The following KIAA1217 variants were observed in gnomAD, a reference collection of about 807,000 sequenced individuals.
The protein encoded by KIAA1217 is KIAA1217.
Under a neutral mutation model 163.9 loss-of-function variants are expected in KIAA1217, and 88 were observed. The observed-to-expected ratio is 0.54, with a 90% CI of 0.45 to 0.64. The LOEUF (loss-of-function observed/expected upper bound fraction) is 0.64, where lower values mean the gene tolerates loss of function less well. Ranked by LOEUF, KIAA1217 falls within the 30% of genes least tolerant of loss-of-function variation. The pLI is 0.00. For synonymous variants in KIAA1217, 903 were observed against 923.1 expected (o/e 0.98, Z 0.39); for missense variants, 2,372 against 2,475.0 (o/e 0.96, Z 0.88).
At chr10:24,531,334 T>C (rs1004753144) in intron 14 of KIAA1217, among the ~76,000 whole-genome samples, 2 of 152,216 alleles carry the variant, frequency 1.3e-5, no homozygotes, top group African/African-American at 2.4e-5. Flanking sequence ...TACTCTGACA[T>C]TGACCTTCAG....
intron 1 of KIAA1217, among the ~76,000 whole-genome samples, chr10:23,927,391 C>G (rs1206217058): frequency 6.7e-6 from 1 of 150,230 alleles, no homozygotes; most frequent in Non-Finnish European, 1.5e-5. Flanking sequence ...TGAGGTTCTC[C>G]TCTTGCATTA....
rs779495492 is a variant in KIAA1217, at chr10:24,524,565, C to G, written c.2699C>G (p.Ser900Cys). Residue 900 changes from serine (S) to cysteine (C), a missense_variant, in exon 13 of 21, where the codon TCC (serine) becomes TGC (cysteine). Transcript: ENST00000376454. Reference protein sequence around the residue: ...SPVVIQPSQHSVALLNPAQNL... With the variant: ...SPVVIQPSQHCVALLNPAQNL... ...GTGGTCATCCAGCCCTCCCAGCACT[C>G]CGTGGCCCTGCTGAACCCTGCTCAG... 6.2e-7 allele frequency: 1 copy of G among 1,614,104 alleles called. No individual in the cohort carries two copies.
At chr10:24,267,012 A>G (rs924125475) in intron 2 of KIAA1217, among the ~76,000 whole-genome samples, 7 of 152,174 alleles carry the variant, frequency 4.6e-5, no homozygotes, top group Non-Finnish European at 1.0e-4. Flanking sequence ...ACACAGTGCC[A>G]CCTACCCACA....
At chr10:23,852,814 T>C (rs1839423557) in intron 1 of KIAA1217, among the ~76,000 whole-genome samples, 2 of 151,684 alleles carry the variant, frequency 1.3e-5, no homozygotes, top group South Asian at 4.1e-4. Context: ...TGGCTCTCTG[T>C]TTGTCTGTTG....
At chr10:24,351,537 G>A (rs891003851) in intron 2 of KIAA1217, among the ~76,000 whole-genome samples, 1 of 152,190 alleles carries the variant, frequency 6.6e-6, no homozygotes, top group East Asian at 1.9e-4. Flanking sequence ...TGTGGAAGGA[G>A]AGCTGGAGAG....
At chr10:24,087,769 C>T (rs2061750141) in intron 2 of KIAA1217, among the ~76,000 whole-genome samples, 1 of 152,228 alleles carries the variant, frequency 6.6e-6, no homozygotes, top group South Asian at 2.1e-4. Flanking sequence ...TGGTAGTCTT[C>T]TTGCTCACAG....
chr10:23,787,798 C>T (rs1564419060), intron 1 of KIAA1217, among the ~76,000 whole-genome samples: 1 of 152,100 alleles, frequency 6.6e-6, no homozygotes, highest in Non-Finnish European at 1.5e-5. Flanking sequence ...TAACCCACTG[C>T]AATTCCTTTT....
intron 1 of KIAA1217, among the ~76,000 whole-genome samples, chr10:23,954,248 C>A (rs1017738798): frequency 6.6e-6 from 1 of 151,986 alleles, no homozygotes; most frequent in African/African-American, 2.4e-5. Context: ...TGAGTCCTGG[C>A]CATTGATGCT....
intron 1 of KIAA1217, among the ~76,000 whole-genome samples, chr10:23,855,644 T>A (rs1269675623): frequency 6.6e-6 from 1 of 152,240 alleles, no homozygotes. Flanking sequence ...CACTTTCAGG[T>A]ACACCAATCA....
intron 2 of KIAA1217, among the ~76,000 whole-genome samples, chr10:24,048,873 A>T (rs1849264510): frequency 6.6e-6 from 1 of 151,882 alleles, no homozygotes; most frequent in Non-Finnish European, 1.5e-5. Context: ...TCTACTAAAA[A>T]TACAAAAATT....
intron 3 of KIAA1217, among the ~76,000 whole-genome samples, chr10:24,395,503 C>T (rs573960913): frequency 3.5e-4 from 53 of 152,150 alleles, no homozygotes; most frequent in African/African-American, 1.3e-3. Context: ...ATGGTGTGGA[C>T]GAGGCAAAGG....
chr10:24,274,925 T>A (rs372601391), intron 2 of KIAA1217, among the ~76,000 whole-genome samples: 2 of 152,274 alleles, frequency 1.3e-5, no homozygotes, highest in African/African-American at 4.8e-5. Context: ...TAAAATTTAT[T>A]CTCTTTTCTT....
At chr10:24,424,472 T>TCCTGGCACAGG (rs2059020523) in intron 3 of KIAA1217, among the ~76,000 whole-genome samples, 1 of 152,256 alleles carries the variant, frequency 6.6e-6, no homozygotes, top group African/African-American at 2.4e-5. Flanking sequence ...ACTCCCGAGT[T>TCCTGGCACAGG]CCTGGCACAG....
At chr10:23,759,661 GAAC>G (rs1834143745) in intron 1 of KIAA1217, among the ~76,000 whole-genome samples, 1 of 152,202 alleles carries the variant, frequency 6.6e-6, no homozygotes, top group Non-Finnish European at 1.5e-5. Context: ...GCAAAAATAA[GAAC>G]AACAGTAACA....
chr10:24,400,626 G>A (rs541930139), intron 3 of KIAA1217, among the ~76,000 whole-genome samples: 25 of 152,290 alleles, frequency 1.6e-4, no homozygotes, highest in Admixed American at 1.4e-3. Context: ...AACAATACTA[G>A]AGACAATCAC....
chr10:24,070,917 A>T (rs946817227), intron 2 of KIAA1217, among the ~76,000 whole-genome samples: 1 of 152,180 alleles, frequency 6.6e-6, no homozygotes, highest in Non-Finnish European at 1.5e-5. Context: ...GGATGCAATG[A>T]GTATTCAAGT....
At position 24,526,375 on chromosome 10, in the gene KIAA1217, T is replaced by C. The variant is rs566019271; in HGVS notation, c.2899-1561T>C. On this transcript the variant is annotated intron_variant, in intron 13 of 20. Transcript: ENST00000376454. ...AAATGTGATTGACAGAGTGTGATTCTATTCCCAGTACCTAGTAGGGCAGGG... is the reference window on the plus strand; with the variant it reads ...AAATGTGATTGACAGAGTGTGATTCCATTCCCAGTACCTAGTAGGGCAGGG... Among the ~76,000 whole-genome samples the C allele has an allele frequency of 1.1e-4, 16 of 152,326 alleles. No homozygotes were observed. The East Asian group carries it at 3.1e-3, about 29-fold the overall frequency.
chr10:24,385,942 A>C (rs1165293977), intron 3 of KIAA1217, among the ~76,000 whole-genome samples: 1 of 152,118 alleles, frequency 6.6e-6, no homozygotes, highest in African/African-American at 2.4e-5. Context: ...CTGGAATGTG[A>C]CCATGGGCGG....
At chr10:24,379,916 A>G (rs10159681) in intron 2 of KIAA1217, among the ~76,000 whole-genome samples, 3,725 of 152,136 alleles carry the variant, frequency 0.024, 171 homozygotes, top group African/African-American at 0.085. Flanking sequence ...GCTGGGCATG[A>G]TGGTACATGC....
Sources: gnomAD v4.1 joint callset for allele counts (sites outside exome capture counted in the v4.1 genomes callset) on GRCh38, gnomAD v4.1.1 for gene constraint, MANE v1.5 for transcripts, NCBI Gene and HGNC (gene_info 2026-07-23, HGNC 2026-07-21) for gene names.